Variants in DLGAP2 observed in about 807,000 individuals in gnomAD.
DLGAP2 encodes the protein DLG associated protein 2.
Under a neutral mutation model 100.3 loss-of-function variants are expected in DLGAP2, and 26 were observed. The ratio of observed to expected loss-of-function variants is 0.26; its 90% CI spans 0.19 to 0.36. The LOEUF (loss-of-function observed/expected upper bound fraction) is 0.36. Ranked by LOEUF, DLGAP2 falls within the 10% of genes least tolerant of loss-of-function variation. DLGAP2 has a pLI of 1.00. For synonymous variants in DLGAP2, 886 were observed against 630.1 expected (o/e 1.41, Z -6.08); for missense variants, 1,858 against 1,453.2 (o/e 1.28, Z -4.53).
At chr8:1,604,502 A>C (rs973953799) in intron 6 of DLGAP2, 1 of 152,312 alleles carries the variant, frequency 6.6e-6, no homozygotes, top group Admixed American at 6.5e-5. Flanking sequence ...TCTAAATTCC[A>C]TCTCCGGGGA....
At chr8:1,546,794 C>G (rs553824199) in intron 4 of DLGAP2, among the ~76,000 whole-genome samples, 1 of 152,022 alleles carries the variant, frequency 6.6e-6, no homozygotes, top group South Asian at 2.1e-4. Context: ...AGGGTGGTGG[C>G]GAGAGAGGAG....
At chr8:1,412,803 C>T (rs1176474013) in intron 3 of DLGAP2, among the ~76,000 whole-genome samples, 1 of 152,218 alleles carries the variant, frequency 6.6e-6, no homozygotes, top group Non-Finnish European at 1.5e-5. Context: ...TCCCTATTCA[C>T]AGCCCTCCCC....
intron 4 of DLGAP2, 60 bp downstream of exon 4, chr8:1,501,491 G>T (rs1367922297): frequency 1.3e-6 from 2 of 1,490,544 alleles, no homozygotes; most frequent in African/African-American, 2.8e-5. Context: ...GCATGCTCCG[G>T]GCACCTCCCA....
intron 5 of DLGAP2, among the ~76,000 whole-genome samples, chr8:1,554,625 T>C (rs1244336753): frequency 6.6e-6 from 1 of 151,992 alleles, no homozygotes; most frequent in Non-Finnish European, 1.5e-5. Flanking sequence ...TCTAGGAGGG[T>C]CCAACACACT....
In DLGAP2 at chr8:859,865, G is replaced by A. The variant is rs578071313; in HGVS notation, c.19-48047G>A. The stretch of plus-strand genomic sequence containing the variant: ...GCAGCCGAGATGGAAGACGGAAGAC[G>A]TGGCTGGGTTTATAAACGCACACAT... On this transcript the variant is annotated intron_variant, in intron 1 of 14. Coordinates refer to ENST00000637795, the MANE Select transcript of DLGAP2 (RefSeq NM_001346810.2). Among the ~76,000 whole-genome samples, 6 of 152,268 alleles carry A rather than the reference G, an allele frequency of 3.9e-5. No homozygotes were observed. The East Asian group carries it at 9.7e-4, about 25-fold the overall frequency.
intron 2 of DLGAP2, among the ~76,000 whole-genome samples, chr8:914,998 C>T (rs891872351): frequency 6.6e-6 from 1 of 152,222 alleles, no homozygotes; most frequent in East Asian, 1.9e-4. Flanking sequence ...AAACCCCACT[C>T]TCCACCATCC....
intron 3 of DLGAP2, among the ~76,000 whole-genome samples, chr8:1,264,357 A>T (rs2116916317): frequency 6.6e-6 from 1 of 152,198 alleles, no homozygotes; most frequent in East Asian, 1.9e-4. Context: ...CTTGAATCAA[A>T]CCCAGACACT....
intron 3 of DLGAP2, among the ~76,000 whole-genome samples, chr8:1,264,673 T>G (rs977303155): frequency 1.3e-5 from 2 of 152,114 alleles, no homozygotes; most frequent in Non-Finnish European, 2.9e-5. Flanking sequence ...GTCAAAGGAC[T>G]TCTCCACTAT....
At chr8:816,208 C>T (rs1796473831) in intron 1 of DLGAP2, among the ~76,000 whole-genome samples, 1 of 150,780 alleles carries the variant, frequency 6.6e-6, no homozygotes, top group Non-Finnish European at 1.5e-5. Context: ...CATTTACATT[C>T]AATGTTAGTA....
chr8:1,209,833 G>C (rs887878784), intron 2 of DLGAP2, among the ~76,000 whole-genome samples: 6 of 152,130 alleles, frequency 3.9e-5, no homozygotes, highest in African/African-American at 1.4e-4. Context: ...TGAGATATTA[G>C]GACTCTTCCA....
chr8:1,168,902 A>T (rs1797071070), intron 2 of DLGAP2, among the ~76,000 whole-genome samples: 1 of 97,882 alleles, frequency 1.0e-5, no homozygotes, highest in Non-Finnish European at 2.2e-5. Flanking sequence ...CCCATTTGTC[A>T]ATTTTGGCTT....
intron 3 of DLGAP2, among the ~76,000 whole-genome samples, chr8:1,428,019 GTATT>G (rs1158931949): frequency 6.6e-6 from 1 of 152,046 alleles, no homozygotes; most frequent in African/African-American, 2.4e-5. Context: ...GTTCATACAT[GTATT>G]TATTGGAAAA....
At chr8:1,444,941 T>G (rs945496210) in intron 3 of DLGAP2, among the ~76,000 whole-genome samples, 3 of 151,750 alleles carry the variant, frequency 2.0e-5, no homozygotes, top group Non-Finnish European at 4.4e-5. Context: ...CCAGCTAATT[T>G]TTGTATTTTT....
chr8:1,221,539 A>T (rs1037279583), intron 2 of DLGAP2, among the ~76,000 whole-genome samples: 3 of 151,756 alleles, frequency 2.0e-5, no homozygotes, highest in African/African-American at 7.3e-5. Flanking sequence ...TTTTTTTTTC[A>T]TGCTGACTTT....
At chr8:738,673 T>C (rs1820391155) in intron 1 of DLGAP2, 1 of 100,824 alleles carries the variant, frequency 9.9e-6, no homozygotes, top group African/African-American at 4.2e-5. Context: ...CGCGCCCAGG[T>C]GGGGCTGGGC....
At chr8:1,413,875 T>C (rs1368536300) in intron 3 of DLGAP2, among the ~76,000 whole-genome samples, 2 of 152,212 alleles carry the variant, frequency 1.3e-5, no homozygotes, top group African/African-American at 2.4e-5. Flanking sequence ...ACAATGTCAA[T>C]GGCATACTTA....
intron 2 of DLGAP2, among the ~76,000 whole-genome samples, chr8:1,228,588 A>C (rs1798470772): frequency 2.0e-5 from 3 of 152,356 alleles, no homozygotes; most frequent in Admixed American, 2.0e-4. Flanking sequence ...AGCAACATAG[A>C]ACATACCCAA....
At position 1,462,210 on chromosome 8, in the gene DLGAP2, G is replaced by C. The variant is rs1467612746; in HGVS notation, c.107-39156G>C. Among the ~76,000 whole-genome samples the C allele has an allele frequency of 1.1e-4, 8 of 75,334 alleles. 2 individuals are homozygous for C. The highest frequency in any genetic ancestry group is 3.5e-4 in the African/African-American group (6 of 17,128). 49.4% of individuals were successfully genotyped at this position (75,334 alleles called of 152,430 possible). A position where few individuals can be genotyped will look rare whatever the true frequency, so the allele number is the denominator to read the frequency against. ...GTGCAGTCACTGATTTGGTGGCCAG[G>C]AGGAGGGAGAAGGGTGGCGTTCAGG... On this transcript the variant is annotated intron_variant, in intron 3 of 14. Transcript: ENST00000637795.
At chr8:1,268,371 A>C (rs970032599) in intron 3 of DLGAP2, among the ~76,000 whole-genome samples, 3 of 152,218 alleles carry the variant, frequency 2.0e-5, no homozygotes, top group African/African-American at 7.2e-5. Context: ...TTGCATGTTG[A>C]GGAAAAGAAA....
Sources: allele counts gnomAD v4.1 joint callset (sites outside exome capture counted in the v4.1 genomes callset), GRCh38; gene constraint gnomAD v4.1.1; transcripts MANE v1.5; gene names NCBI Gene and HGNC (gene_info 2026-07-23, HGNC 2026-07-21).